GRM5: variants seen among roughly 807,000 people sequenced by gnomAD.
GRM5 encodes the protein glutamate metabotropic receptor 5.
A neutral mutation model predicts 83.1 loss-of-function variants in GRM5; 19 were observed. The observed-to-expected ratio is 0.23, with a 90% CI of 0.16 to 0.34. The LOEUF is 0.34. GRM5 is among the 10% of genes least tolerant of loss of function. GRM5 has a pLI of 1.00. For synonymous variants in GRM5, 675 were observed against 633.6 expected (o/e 1.07, Z -0.98); for missense variants, 1,160 against 1,588.3 (o/e 0.73, Z 4.58).
At chr11:88,790,489 T>G (rs1260452604) in intron 3 of GRM5, among the ~76,000 whole-genome samples, 1 of 152,232 alleles carries the variant, frequency 6.6e-6, no homozygotes, top group Non-Finnish European at 1.5e-5. Context: ...AATTTTACCA[T>G]GTGAGTGTTA....
intron 7 of GRM5, among the ~76,000 whole-genome samples, chr11:88,572,172 T>C (rs971430389): frequency 8.5e-5 from 13 of 152,134 alleles, no homozygotes; most frequent in African/African-American, 3.1e-4. Context: ...AGTGTGGAAG[T>C]TACAGCTTTA....
intron 8 of GRM5, among the ~76,000 whole-genome samples, chr11:88,558,048 C>T (rs1942667257): frequency 6.6e-6 from 1 of 152,154 alleles, no homozygotes. Context: ...TCCCCCACTA[C>T]TCTGTGAGCT....
At chr11:88,796,905 T>TAC (rs1371771608) in intron 3 of GRM5, among the ~76,000 whole-genome samples, 14 of 10,830 alleles carry the variant, frequency 1.3e-3, no homozygotes, top group East Asian at 4.7e-3. Flanking sequence ...CACACGTGTG[T>TAC]GTGTGTGTGT....
chr11:88,797,749 G>C (rs901008757), intron 3 of GRM5, among the ~76,000 whole-genome samples: 4 of 151,394 alleles, frequency 2.6e-5, no homozygotes, highest in Admixed American at 1.3e-4. Context: ...ATTAAGATGG[G>C]TTTTTGATTA....
chr11:88,662,247 C>T (rs1939926084), intron 3 of GRM5, among the ~76,000 whole-genome samples: 1 of 152,116 alleles, frequency 6.6e-6, no homozygotes, highest in Admixed American at 6.6e-5. Context: ...ATAACCTACT[C>T]AAAACCCCAT....
At chr11:88,900,146 G>A (rs745834274) in intron 2 of GRM5, among the ~76,000 whole-genome samples, 3 of 152,084 alleles carry the variant, frequency 2.0e-5, no homozygotes, top group African/African-American at 2.4e-5. Flanking sequence ...AGCTTCTACC[G>A]TAGATTGATA....
intron 4 of GRM5, among the ~76,000 whole-genome samples, chr11:88,630,758 A>G (rs1271162680): frequency 6.6e-6 from 1 of 152,048 alleles, no homozygotes; most frequent in Non-Finnish European, 1.5e-5. Flanking sequence ...TTGTATTTTT[A>G]GTAGAGACGG....
At chr11:88,523,031 TC>T (rs1477485600) in intron 9 of GRM5, 3 of 152,272 alleles carry the variant, frequency 2.0e-5, no homozygotes, top group Non-Finnish European at 4.4e-5. Context: ...CCCCTCATTC[TC>T]AATTAAGACA....
chr11:88,775,076 T>C (rs1013245103), intron 3 of GRM5, among the ~76,000 whole-genome samples: 9 of 152,262 alleles, frequency 5.9e-5, no homozygotes, highest in Non-Finnish European at 1.0e-4. Flanking sequence ...GTCCTGGACT[T>C]TTTTTGGTTG....
chr11:88,537,281 G>T (rs199940709), intron 8 of GRM5, among the ~76,000 whole-genome samples: 1 of 144,146 alleles, frequency 6.9e-6, no homozygotes. Flanking sequence ...CACCCTCTGG[G>T]CCCCTTGTTA....
At chr11:88,976,288 G>A (rs1010915256) in intron 2 of GRM5, among the ~76,000 whole-genome samples, 1 of 152,134 alleles carries the variant, frequency 6.6e-6, no homozygotes, top group Non-Finnish European at 1.5e-5. Context: ...GAGAGAATCG[G>A]ATTGTGGTTG....
intron 2 of GRM5, among the ~76,000 whole-genome samples, chr11:88,946,767 G>A (rs1185162411): frequency 1.3e-5 from 2 of 152,016 alleles, no homozygotes; most frequent in African/African-American, 4.8e-5. Context: ...ATTACGTTTT[G>A]CGTTTTTGAC....
chr11:88,920,228 G>A (rs1945664416), intron 2 of GRM5, among the ~76,000 whole-genome samples: 2 of 151,770 alleles, frequency 1.3e-5, no homozygotes, highest in African/African-American at 4.8e-5. Context: ...TGATACCACA[G>A]AAATCCAAAG....
chr11:88,729,224 C>A (rs569444529), intron 3 of GRM5, among the ~76,000 whole-genome samples: 2 of 152,202 alleles, frequency 1.3e-5, no homozygotes, highest in East Asian at 3.9e-4. Context: ...CATTCCTATA[C>A]ACCATGAACA....
intron 4 of GRM5, among the ~76,000 whole-genome samples, chr11:88,607,075 T>A (rs937908701): frequency 2.6e-5 from 4 of 152,054 alleles, no homozygotes; most frequent in African/African-American, 9.7e-5. Context: ...ACACCTTTAA[T>A]TTCCCCAGTA....
intron 3 of GRM5, among the ~76,000 whole-genome samples, chr11:88,839,825 A>C (rs1944163802): frequency 6.6e-6 from 1 of 152,230 alleles, no homozygotes; most frequent in Admixed American, 6.5e-5. Flanking sequence ...TAACATAATC[A>C]GTTGATTAAC....
intron 2 of GRM5, among the ~76,000 whole-genome samples, chr11:88,934,542 G>A (rs1442746628): frequency 2.0e-5 from 3 of 151,804 alleles, no homozygotes; most frequent in East Asian, 1.9e-4. Flanking sequence ...ACATAACATG[G>A]TGAGGTAGAA....
intron 3 of GRM5, among the ~76,000 whole-genome samples, chr11:88,687,334 G>A (rs1330120932): frequency 3.4e-5 from 5 of 148,410 alleles, no homozygotes; most frequent in African/African-American, 1.0e-4. Context: ...AAAATTAGCC[G>A]GGCATGGTGG....
chr11:88,911,946 C>T (rs1945506744), intron 2 of GRM5: 1 of 449,342 alleles, frequency 2.2e-6, no homozygotes, highest in African/African-American at 2.0e-5. Context: ...TTCTTTGCTA[C>T]CCAAGTACGA....
Sources: allele counts gnomAD v4.1 joint callset (sites outside exome capture counted in the v4.1 genomes callset), GRCh38; gene constraint gnomAD v4.1.1; transcripts MANE v1.5; gene names NCBI Gene and HGNC (gene_info 2026-07-23, HGNC 2026-07-21).